Variants in ODF2 observed in about 807,000 individuals in gnomAD.
The protein encoded by ODF2 is outer dense fiber of sperm tails 2.
ODF2 carries 47 observed loss-of-function variants against 110.2 expected under a neutral mutation model. The observed-to-expected ratio is 0.43, with a 90% CI of 0.34 to 0.54. The LOEUF (loss-of-function observed/expected upper bound fraction) is 0.54. Among genes scored for constraint, ODF2 ranks in the 20% least tolerant of loss-of-function variants. The pLI, the probability that ODF2 is intolerant of heterozygous loss-of-function variation, is 0.03. For missense variants in ODF2, 812 were observed against 1,054.5 expected, an observed-to-expected ratio of 0.77 and a Z score of 3.19; for synonymous variants, 352 against 397.7, an observed-to-expected ratio of 0.89 and a Z score of 1.37.
At chr9:128,467,950 C>G (rs1417246368) in intron 4 of ODF2, among the ~76,000 whole-genome samples, 1 of 152,164 alleles carries the variant, frequency 6.6e-6, no homozygotes, top group Non-Finnish European at 1.5e-5. Flanking sequence ...CCGCCTTGGC[C>G]TCCCAAAGTG....
intron 6 of ODF2, 37 bp from the exon 7 acceptor site, chr9:128,472,876 C>T: frequency 1.2e-6 from 2 of 1,612,358 alleles, no homozygotes; most frequent in Non-Finnish European, 1.7e-6. Context: ...CATGCGGGGG[C>T]CTGGGAGGGC....
Position 128,492,499 on chromosome 9 carries a change from A to G in ODF2, c.1610A>G (p.Lys537Arg), listed in dbSNP as rs200614651. 4.1e-5 allele frequency: 66 copies of G among 1,613,800 alleles called. No homozygotes were observed. The highest frequency in any genetic ancestry group is 5.2e-5 in the Non-Finnish European group (61 of 1,179,836). Residue 537 changes from lysine to arginine, a missense_variant, in exon 15 of 21, where the codon AAG becomes AGG. Coordinates refer to ENST00000604420, the Ensembl canonical transcript of ODF2. ...GTCCAGCAGCTGAAGGCCTCAGTGAAGAACTATGAGGGGATGATTGACAAC... is the reference window on the plus strand; with the variant it reads ...GTCCAGCAGCTGAAGGCCTCAGTGAGGAACTATGAGGGGATGATTGACAAC...
intron 18 of ODF2, 182 bp downstream of exon 18, chr9:128,496,323 G>A (rs1197901649): frequency 6.8e-7 from 1 of 1,467,736 alleles, no homozygotes; most frequent in South Asian, 1.2e-5. Context: ...GAGAGCAAGG[G>A]GGCCTCTCAG....
exon 15 of ODF2, chr9:128,492,436 C>A: frequency 6.2e-7 from 1 of 1,613,590 alleles, no homozygotes; most frequent in Non-Finnish European, 8.5e-7. Context: ...GCCAGCTTTG[C>A]TCCAATGGAG....
intron 16 of ODF2, among the ~76,000 whole-genome samples, chr9:128,493,212 CCT>C (rs1438276106): frequency 3.3e-5 from 5 of 151,990 alleles, no homozygotes; most frequent in African/African-American, 9.7e-5. Flanking sequence ...TGGTGAAACC[CCT>C]GTCTCTACTA....
At chr9:128,474,913 G>A (rs1443659847) in intron 8 of ODF2, among the ~76,000 whole-genome samples, 2 of 151,868 alleles carry the variant, frequency 1.3e-5, no homozygotes, top group South Asian at 2.1e-4. Flanking sequence ...GCAGTGAGCC[G>A]AGATTGTGCC....
chr9:128,458,675 A>T (rs1835608091), intron 2 of ODF2, among the ~76,000 whole-genome samples: 1 of 149,740 alleles, frequency 6.7e-6, no homozygotes. Context: ...ACATGGCATT[A>T]AAAAAAAATC....
chr9:128,500,156 C>T (rs190049056), exon 21 of ODF2: 195 of 1,614,274 alleles, frequency 1.2e-4, no homozygotes, highest in Non-Finnish European at 1.7e-6. Context: ...AGAACTACGT[C>T]CAGTTCCTCA....
At chr9:128,467,893 G>A (rs1257926991) in intron 4 of ODF2, among the ~76,000 whole-genome samples, 1 of 151,890 alleles carries the variant, frequency 6.6e-6, no homozygotes, top group Non-Finnish European at 1.5e-5. Flanking sequence ...TGTATTTTTA[G>A]TAGACACGGG....
chr9:128,462,044 TA>T (rs1187891403), intron 4 of ODF2, among the ~76,000 whole-genome samples: 8 of 152,134 alleles, frequency 5.3e-5, no homozygotes, highest in Non-Finnish European at 8.8e-5. Flanking sequence ...AGCCACAGTA[TA>T]TTTTTTTTAA....
chr9:128,489,583 G>A (rs554400247), intron 14 of ODF2, among the ~76,000 whole-genome samples: 48 of 152,316 alleles, frequency 3.2e-4, no homozygotes, highest in African/African-American at 1.1e-3. Flanking sequence ...TTCATCCTCA[G>A]CGCTCTAGGG....
At chr9:128,471,708 T>C (rs1467993545) in intron 6 of ODF2, among the ~76,000 whole-genome samples, 1 of 152,146 alleles carries the variant, frequency 6.6e-6, no homozygotes, top group African/African-American at 2.4e-5. Context: ...AGCAGGGAAC[T>C]GTTTCTGGAA....
intron 8 of ODF2, 116 bp from the exon 9 acceptor site, chr9:128,481,463 TA>T: frequency 2.8e-6 from 2 of 702,390 alleles, no homozygotes; most frequent in African/African-American, 1.9e-5. Flanking sequence ...GGCAACAGAG[TA>T]AGACTCTAAA....
intron 1 of ODF2, chr9:128,457,026 C>G (rs2131395873): frequency 7.8e-7 from 1 of 1,280,168 alleles, no homozygotes; most frequent in Non-Finnish European, 1.0e-6. Flanking sequence ...TCTCACCCGC[C>G]CTCTCCGCAC....
chr9:128,473,627 C>A lies in ODF2; in HGVS notation c.729C>A (p.Cys243Ter). 1.2e-6 allele frequency: 2 copies of A among 1,613,612 alleles called. No homozygotes were observed. Among genetic ancestry groups the A allele is most frequent in the Non-Finnish European group, 1.7e-6 (2 of 1,179,858 alleles). ...TCTTCCAGGAGAAACAAATGACCTG[C>A]ACGGACATCAACACCCTGACAAGGC... Residue 243 changes from cysteine to a stop codon, truncating the protein, a stop_gained, in exon 8 of 21, where the codon TGC becomes TGA. Coordinates refer to ENST00000604420, the Ensembl canonical transcript of ODF2. LOFTEE classifies it high-confidence loss of function.
chr9:128,460,954 C>G, exon 4 of ODF2: 1 of 1,614,138 alleles, frequency 6.2e-7, no homozygotes, highest in Non-Finnish European at 8.5e-7. Context: ...ATCTCACAAG[C>G]GAGGAATGAA....
At chr9:128,475,075 G>C (rs1292270095) in intron 8 of ODF2, among the ~76,000 whole-genome samples, 1 of 148,240 alleles carries the variant, frequency 6.7e-6, no homozygotes, top group Non-Finnish European at 1.5e-5. Context: ...AAGATATTTG[G>C]AAAAAATTAC....
At chr9:128,478,069 T>C (rs1841690340) in intron 8 of ODF2, among the ~76,000 whole-genome samples, 1 of 152,114 alleles carries the variant, frequency 6.6e-6, no homozygotes, top group Non-Finnish European at 1.5e-5. Flanking sequence ...CAATCTCAGC[T>C]CACTGCAGCC....
intron 10 of ODF2, among the ~76,000 whole-genome samples, chr9:128,483,324 G>A (rs931313432): frequency 2.6e-5 from 4 of 152,138 alleles, no homozygotes; most frequent in African/African-American, 9.7e-5. Context: ...CCACTCCCTA[G>A]CACTTTGGGA....
Sources: allele counts gnomAD v4.1 joint callset (sites outside exome capture counted in the v4.1 genomes callset), GRCh38; gene constraint gnomAD v4.1.1; transcripts MANE v1.5; gene names NCBI Gene and HGNC (gene_info 2026-07-23, HGNC 2026-07-21).